FNDC3B: variants seen among roughly 807,000 people sequenced by gnomAD.
FNDC3B encodes fibronectin type III domain containing 3B.
Under a neutral mutation model 151.5 loss-of-function variants are expected in FNDC3B, and 12 were observed. The observed-to-expected ratio is 0.08, with a 90% CI of 0.05 to 0.13. The LOEUF (loss-of-function observed/expected upper bound fraction) is 0.13, where lower values mean the gene tolerates loss of function less well. Among genes scored for constraint, FNDC3B ranks in the 10% least tolerant of loss-of-function variants. The pLI, the probability that FNDC3B is intolerant of heterozygous loss-of-function variation, is 1.00. For missense variants in FNDC3B, 1,214 were observed against 1,505.3 expected (o/e 0.81, Z 3.20); for synonymous variants, 528 against 549.0 (o/e 0.96, Z 0.54).
intron 3 of FNDC3B, among the ~76,000 whole-genome samples, chr3:172,159,567 G>A (rs537512538): frequency 7.0e-4 from 106 of 152,328 alleles, no homozygotes; most frequent in Non-Finnish European, 1.4e-3. Flanking sequence ...CTTATTCTGA[G>A]AAAATCAGTA....
At chr3:172,152,218 TG>T (rs1722261011) in intron 3 of FNDC3B, among the ~76,000 whole-genome samples, 1 of 152,236 alleles carries the variant, frequency 6.6e-6, no homozygotes, top group African/African-American at 2.4e-5. Flanking sequence ...GGTGGCCTCC[TG>T]GCTCTGTGTG....
chr3:172,319,817 C>G (rs1415136968), intron 11 of FNDC3B, among the ~76,000 whole-genome samples: 6 of 152,214 alleles, frequency 3.9e-5, no homozygotes, highest in African/African-American at 1.2e-4. Context: ...TAAATATAGA[C>G]ACTCTAGCAG....
rs769533567 is a variant in FNDC3B, at chr3:172,307,460, C to A, written c.1159C>A (p.Leu387Met). The change falls in exon 10 of 26, where the codon CTG (leucine) becomes ATG (methionine). Residue 387 changes from leucine to methionine, a missense_variant. By Grantham distance (15) the Leu-to-Met change is conservative. Transcript: ENST00000415807. Reference sequence around the variant, plus strand: ...ACCCGAGTGTCCTTTCCCCCCTAAGCTGGCACATAGGAGCAAAAGTTCACT... The same window carrying A: ...ACCCGAGTGTCCTTTCCCCCCTAAGATGGCACATAGGAGCAAAAGTTCACT... ...CAPECPFPPK[L>M]AHRSKSSLTL... The A allele has an allele frequency of 2.2e-5, 36 of 1,613,950 alleles. No individual in the cohort carries two copies. Among genetic ancestry groups the A allele is most frequent in the Admixed American group, 1.0e-4 (6 of 60,004 alleles).
At chr3:172,099,856 G>A (rs910455801) in intron 1 of FNDC3B, among the ~76,000 whole-genome samples, 4 of 151,914 alleles carry the variant, frequency 2.6e-5, no homozygotes, top group African/African-American at 9.7e-5. Flanking sequence ...ACAGCAATCT[G>A]TTTTTTTTAT....
intron 4 of FNDC3B, among the ~76,000 whole-genome samples, chr3:172,231,699 A>G (rs1255708757): frequency 6.6e-6 from 1 of 152,038 alleles, no homozygotes; most frequent in East Asian, 1.9e-4. Flanking sequence ...CAGCCCATGC[A>G]TTTCTGATTA....
At chr3:172,277,267 T>G (rs1341140632) in intron 6 of FNDC3B, among the ~76,000 whole-genome samples, 1 of 152,204 alleles carries the variant, frequency 6.6e-6, no homozygotes, top group Non-Finnish European at 1.5e-5. Context: ...CAGCCTGAGC[T>G]ATAATTGGGT....
intron 1 of FNDC3B, among the ~76,000 whole-genome samples, chr3:172,070,737 CT>C (rs892053755): frequency 6.6e-5 from 10 of 152,170 alleles, no homozygotes; most frequent in Non-Finnish European, 1.2e-4. Flanking sequence ...GTGGATCCCC[CT>C]GGACTTATTA....
chr3:172,380,845 C>G (rs1325257409), intron 24 of FNDC3B, 121 bp from the exon 25 acceptor site: 3 of 1,151,552 alleles, frequency 2.6e-6, no homozygotes, highest in Admixed American at 3.8e-5. Context: ...ATCAGCTCCT[C>G]TCTCAGGGCA....
intron 3 of FNDC3B, among the ~76,000 whole-genome samples, chr3:172,197,653 A>T (rs1724907310): frequency 6.6e-6 from 1 of 152,208 alleles, no homozygotes; most frequent in African/African-American, 2.4e-5. Flanking sequence ...TCTTTTTCAG[A>T]ATGCTGTGAC....
intron 4 of FNDC3B, among the ~76,000 whole-genome samples, chr3:172,233,717 A>G (rs879316768): frequency 6.6e-6 from 1 of 152,218 alleles, no homozygotes; most frequent in African/African-American, 2.4e-5. Flanking sequence ...AGAAAGGCAC[A>G]TGGGGGACTG....
At chr3:172,131,772 A>T (rs2108571096) in intron 2 of FNDC3B, among the ~76,000 whole-genome samples, 1 of 152,354 alleles carries the variant, frequency 6.6e-6, no homozygotes, top group East Asian at 1.9e-4. Context: ...TGATTTCAAA[A>T]GTTTTACAAA....
chr3:172,211,017 T>G (rs1278989340), intron 3 of FNDC3B, among the ~76,000 whole-genome samples: 2 of 152,234 alleles, frequency 1.3e-5, no homozygotes, highest in Admixed American at 6.5e-5. Flanking sequence ...ACTCTGCTGT[T>G]CCAGAAACCT....
At chr3:172,106,590 G>C (rs1383844733) in intron 1 of FNDC3B, among the ~76,000 whole-genome samples, 1 of 152,228 alleles carries the variant, frequency 6.6e-6, no homozygotes, top group Admixed American at 6.5e-5. Flanking sequence ...TTGGCCCTCA[G>C]AGTGAGGACC....
At chr3:172,065,500 C>T (rs1465201720) in intron 1 of FNDC3B, among the ~76,000 whole-genome samples, 1 of 152,150 alleles carries the variant, frequency 6.6e-6, no homozygotes, top group Non-Finnish European at 1.5e-5. Flanking sequence ...GAAGAAATGC[C>T]GCCTTGTTCA....
chr3:172,344,381 T>A, intron 19 of FNDC3B, 123 bp downstream of exon 19: 1 of 720,502 alleles, frequency 1.4e-6, no homozygotes, highest in Non-Finnish European at 2.3e-6. Context: ...TGACAACCAT[T>A]AATGCAGTGT....
In FNDC3B at chr3:172,133,459, T is replaced by G. The variant is rs769023379; in HGVS notation, c.112-12T>G. ...CCAGTATTAAACTGAAATTAATGTG[T>G]TGTTTTGGCAGGTTATTCTCGTTCA... On this transcript the variant is annotated splice_polypyrimidine_tract_variant and intron_variant, in intron 2 of 25. Coordinates refer to ENST00000415807, the MANE Select transcript of FNDC3B (RefSeq NM_022763.4). The G allele has an allele frequency of 6.8e-6, 11 of 1,606,074 alleles. No individual in the cohort carries two copies. The highest frequency in any genetic ancestry group is 9.4e-6 in the Non-Finnish European group (11 of 1,173,766).
At chr3:172,328,429 A>G (rs556778597) in intron 11 of FNDC3B, among the ~76,000 whole-genome samples, 2 of 152,240 alleles carry the variant, frequency 1.3e-5, no homozygotes, top group Non-Finnish European at 2.9e-5. Context: ...ATTGGAGGCC[A>G]CTGCATGGCA....
chr3:172,273,488 T>C (rs1179492647), intron 6 of FNDC3B, among the ~76,000 whole-genome samples: 1 of 152,226 alleles, frequency 6.6e-6, no homozygotes, highest in Non-Finnish European at 1.5e-5. Context: ...GATCATAATA[T>C]AGGGGCCTTA....
chr3:172,353,977 TTA>T, intron 22 of FNDC3B, among the ~76,000 whole-genome samples: 1 of 147,976 alleles, frequency 6.8e-6, no homozygotes, highest in African/African-American at 2.4e-5. Context: ...AAAAAAAACT[TTA>T]GATAGTCTTT....
Sources: allele counts gnomAD v4.1 joint callset (sites outside exome capture counted in the v4.1 genomes callset), GRCh38; gene constraint gnomAD v4.1.1; transcripts MANE v1.5; gene names NCBI Gene and HGNC (gene_info 2026-07-23, HGNC 2026-07-21).